The following FEZ1 variants were observed in gnomAD, a reference collection of about 807,000 sequenced individuals.
FEZ1 encodes the protein fasciculation and elongation protein zeta-1.
In FEZ1, 20 loss-of-function variants were observed where a neutral mutation model predicts 49.3. The ratio of observed to expected loss-of-function variants is 0.41; its 90% CI spans 0.29 to 0.59. The LOEUF (loss-of-function observed/expected upper bound fraction) is 0.59, where lower values mean the gene tolerates loss of function less well. FEZ1 is among the 20% of genes least tolerant of loss of function. The pLI, the probability that FEZ1 is intolerant of heterozygous loss-of-function variation, is 0.36. For synonymous variants in FEZ1, 170 were observed against 180.9 expected (o/e 0.94, Z 0.48); for missense variants, 413 against 476.0 (o/e 0.87, Z 1.23).
chr11:125,493,417 A>G lies in FEZ1; in HGVS notation c.-46+2704T>C, dbSNP rs7123391. ...AAGAAAGAAAGAAAGAAAGAAAGAA[A>G]GAAAGAAGGAAAGAAGGAAAGAAGG... is the stretch of plus-strand genomic sequence containing the variant. On this transcript the variant is annotated intron_variant, in intron 1 of 9. Transcript: ENST00000278919. Among the ~76,000 whole-genome samples the G allele has an allele frequency of 6.7e-3, 345 of 51,328 alleles. 1 individual carries two copies. The highest frequency in any genetic ancestry group is 0.016 in the East Asian group (24 of 1,502). The allele number at this position is 51,328 out of a possible 152,430, so 33.7% of individuals were successfully genotyped here.
In FEZ1 at chr11:125,443,892, C is replaced by T. The variant is rs772216313; in HGVS notation, c.*2203G>A. Among the ~76,000 whole-genome samples the T allele has an allele frequency of 6.6e-6, 1 of 152,190 alleles. No homozygotes were observed. Among genetic ancestry groups the T allele is most frequent in the Non-Finnish European group, 1.5e-5 (1 of 68,056 alleles). On this transcript the variant is annotated 3_prime_UTR_variant, in exon 10 of 10. Coordinates refer to ENST00000278919, the MANE Select transcript of FEZ1 (RefSeq NM_005103.5). ...TAGCTTGTCTCTGCCGCTTCAGACA[C>T]CTGCTGGCAGGATAAATTGGGGGAA...
At chr11:125,494,719 G>C (rs1957440203) in intron 1 of FEZ1, among the ~76,000 whole-genome samples, 1 of 152,126 alleles carries the variant, frequency 6.6e-6, no homozygotes, top group African/African-American at 2.4e-5. Context: ...CACTCACGGG[G>C]CTTAACAGAG....
chr11:125,465,996 G>A (rs1051600370), intron 3 of FEZ1, among the ~76,000 whole-genome samples: 1 of 152,182 alleles, frequency 6.6e-6, no homozygotes, highest in African/African-American at 2.4e-5. Context: ...AACAATGACA[G>A]AGGAAGAAAG....
intron 2 of FEZ1, chr11:125,481,854 G>A: frequency 3.7e-6 from 2 of 543,216 alleles, no homozygotes; most frequent in Admixed American, 3.0e-5. Flanking sequence ...TGTGAAAGGT[G>A]TTTGCTTGAG....
At chr11:125,464,047 T>C (rs1378191367) in intron 3 of FEZ1, among the ~76,000 whole-genome samples, 1 of 152,240 alleles carries the variant, frequency 6.6e-6, no homozygotes, top group Non-Finnish European at 1.5e-5. Flanking sequence ...ATGATGACTT[T>C]CAGAATTTGA....
chr11:125,465,251 C>T (rs1957116274), intron 3 of FEZ1, among the ~76,000 whole-genome samples: 1 of 152,118 alleles, frequency 6.6e-6, no homozygotes, highest in Non-Finnish European at 1.5e-5. Flanking sequence ...ATAAAAATGG[C>T]ATGTTTACCT....
intron 5 of FEZ1, among the ~76,000 whole-genome samples, chr11:125,457,340 T>C (rs566162420): frequency 7.6e-6 from 1 of 131,702 alleles, no homozygotes; most frequent in Non-Finnish European, 1.6e-5. Context: ...CTGAGGTGGG[T>C]GGGTCACCTG....
chr11:125,491,143 C>T (rs1957377884), intron 1 of FEZ1, among the ~76,000 whole-genome samples: 1 of 152,148 alleles, frequency 6.6e-6, no homozygotes, highest in Non-Finnish European at 1.5e-5. Context: ...CTGTAAGAAA[C>T]AGACCCAACT....
intron 3 of FEZ1, among the ~76,000 whole-genome samples, chr11:125,480,029 T>C (rs571349402): frequency 1.3e-4 from 20 of 152,262 alleles, no homozygotes; most frequent in African/African-American, 4.8e-4. Context: ...AGTCAGTAAC[T>C]CATGGAGTGT....
rs533198023 is a variant in FEZ1, at chr11:125,443,603, G to T, written c.*2492C>A. ...TTCTGACTTAGTAGGCCTGATGTGG[G>T]GCCTGAGATTTTGCATTTCTAACAA... On this transcript the variant is annotated 3_prime_UTR_variant, in exon 10 of 10. Coordinates refer to ENST00000278919, the MANE Select transcript of FEZ1 (RefSeq NM_005103.5). Among the ~76,000 whole-genome samples, 18 of 152,232 alleles carry T rather than the reference G, an allele frequency of 1.2e-4. No individual in the cohort carries two copies. The highest frequency in any genetic ancestry group is 3.9e-4 in the African/African-American group (16 of 41,530).
chr11:125,449,861 TGAGG>T (rs1420812562), intron 8 of FEZ1, among the ~76,000 whole-genome samples: 15 of 152,110 alleles, frequency 9.9e-5, no homozygotes, highest in African/African-American at 3.6e-4. Context: ...TAGGAGTGAG[TGAGG>T]AAGAAAATCC....
intron 3 of FEZ1, among the ~76,000 whole-genome samples, chr11:125,474,311 T>C (rs1429265744): frequency 6.6e-6 from 1 of 151,364 alleles, no homozygotes; most frequent in Non-Finnish European, 1.5e-5. Flanking sequence ...GTGCTGGGAT[T>C]ACAGACATGA....
chr11:125,480,909 T>C (rs539445031), intron 3 of FEZ1, among the ~76,000 whole-genome samples: 10 of 152,058 alleles, frequency 6.6e-5, no homozygotes, highest in Admixed American at 2.0e-4. Context: ...CATAGTGGCA[T>C]GCACCTGTAG....
intron 1 of FEZ1, among the ~76,000 whole-genome samples, chr11:125,493,407 AAAGAAAG>A (rs1957409578): frequency 1.3e-5 from 1 of 74,218 alleles, no homozygotes; most frequent in Admixed American, 1.6e-4. Flanking sequence ...AGAAAGAAAG[AAAGAAAG>A]AAAGAAAGAA....
intron 3 of FEZ1, among the ~76,000 whole-genome samples, chr11:125,476,122 A>G (rs1449918257): frequency 1.3e-5 from 2 of 152,210 alleles, no homozygotes; most frequent in African/African-American, 4.8e-5. Flanking sequence ...CAGAAAGCAG[A>G]TAAGTGGTTG....
At chr11:125,457,403 TAAAAAAAA>T (rs141594971) in intron 5 of FEZ1, among the ~76,000 whole-genome samples, 84 of 35,104 alleles carry the variant, frequency 2.4e-3, no homozygotes, top group Non-Finnish European at 3.4e-3. Flanking sequence ...GTTTCTACTT[TAAAAAAAA>T]AAAAAAAAAA....
In FEZ1 at chr11:125,454,180, G is replaced by A. The variant is rs1406349191; in HGVS notation, c.970C>T (p.Leu324=). 6.2e-7 allele frequency: 1 copy of A among 1,613,714 alleles called. No individual in the cohort carries two copies. ...AAGGTCTGGCGGATGCCACTCTGCA[G>A]AATGTTGGAGATGCCTTCCATGCTG... ...RFSMEGISNI[L]QSGIRQTFGS... is the part of the protein sequence containing the mutation. Residue 324 remains leucine (L), a synonymous_variant, in exon 7 of 10, where the codon CTG becomes TTG. Transcript: ENST00000278919.
chr11:125,446,675 GGTTT>G (rs537979368), intron 9 of FEZ1, among the ~76,000 whole-genome samples: 91 of 151,914 alleles, frequency 6.0e-4, no homozygotes, highest in East Asian at 2.5e-3. Flanking sequence ...TTTGTTTTGT[GGTTT>G]GTTTGTTTGT....
intron 7 of FEZ1, 170 bp from the exon 8 acceptor site, chr11:125,452,579 T>C (rs1283978642): frequency 1.8e-6 from 1 of 565,168 alleles, no homozygotes; most frequent in Non-Finnish European, 3.2e-6. Context: ...AGGGAATGTC[T>C]CTTTAAAAGT....
Sources: gnomAD v4.1 joint callset for allele counts (sites outside exome capture counted in the v4.1 genomes callset) on GRCh38, gnomAD v4.1.1 for gene constraint, MANE v1.5 for transcripts, NCBI Gene and HGNC (gene_info 2026-07-23, HGNC 2026-07-21) for gene names.